RSF1: variants seen among roughly 807,000 people sequenced by gnomAD.
The protein encoded by RSF1 is HBV pX-associated protein 8.
A neutral mutation model predicts 145.2 loss-of-function variants in RSF1; 13 were observed. The observed-to-expected ratio is 0.09, with a 90% CI of 0.06 to 0.14. The LOEUF (loss-of-function observed/expected upper bound fraction) is 0.14, where lower values mean the gene tolerates loss of function less well. Ranked by LOEUF, RSF1 falls within the 10% of genes least tolerant of loss-of-function variation. The probability of loss-of-function intolerance (pLI) is 1.00; values close to 1 mark genes in which losing one functional copy is unlikely to be tolerated. For synonymous variants in RSF1, 577 were observed against 592.6 expected (o/e 0.97, Z 0.38); for missense variants, 1,517 against 1,718.2 (o/e 0.88, Z 2.07).
intron 9 of RSF1, among the ~76,000 whole-genome samples, chr11:77,689,033 G>A (rs1294344343): frequency 6.6e-6 from 1 of 152,234 alleles, no homozygotes; most frequent in Non-Finnish European, 1.5e-5. Flanking sequence ...CTATGAGTCA[G>A]GGGATATAAG....
chr11:77,699,410 C>T (rs1231218058), intron 6 of RSF1, among the ~76,000 whole-genome samples: 2 of 37,474 alleles, frequency 5.3e-5, no homozygotes, highest in Non-Finnish European at 9.7e-5. Flanking sequence ...ATAAGTCTAA[C>T]AACAAAAGAA....
chr11:77,754,085 C>G (rs1349692992), intron 2 of RSF1, among the ~76,000 whole-genome samples: 4 of 152,188 alleles, frequency 2.6e-5, no homozygotes, highest in Non-Finnish European at 4.4e-5. Flanking sequence ...TGGTAAAACT[C>G]TTCCACTATT....
At position 77,668,595 on chromosome 11, in the gene RSF1, A is replaced by G. The variant is rs73506724; in HGVS notation, c.3752-1104T>C. On this transcript the variant is annotated intron_variant, in intron 15 of 15. Transcript: ENST00000308488. The stretch of plus-strand genomic sequence containing the variant: ...CAACTGCAGATGGAAAATATTCAGG[A>G]AAAAAATAGATGGTAATGTCTGAAC... Among the ~76,000 whole-genome samples the G allele has an allele frequency of 3.1e-3, 478 of 152,298 alleles. 3 individuals carry two copies. Among genetic ancestry groups the G allele is most frequent in the African/African-American group, 0.011 (437 of 41,566 alleles).
intron 5 of RSF1, among the ~76,000 whole-genome samples, chr11:77,716,818 C>G (rs145721717): frequency 9.5e-4 from 145 of 152,198 alleles, no homozygotes; most frequent in South Asian, 2.5e-3. Flanking sequence ...TTTAGACATT[C>G]CACAATATGG....
At chr11:77,809,782 T>C (rs1476719815) in intron 1 of RSF1, among the ~76,000 whole-genome samples, 2 of 152,244 alleles carry the variant, frequency 1.3e-5, no homozygotes, top group African/African-American at 4.8e-5. Flanking sequence ...CATATTGCTA[T>C]ATCCCCAAAC....
chr11:77,869,109 T>C, the RSF1 span: 20 of 270,404 alleles, frequency 7.4e-5, no homozygotes, highest in African/African-American at 3.4e-4. Context: ...ACATGTACCA[T>C]GTGGCCAAAG....
the RSF1 span, among the ~76,000 whole-genome samples, chr11:77,830,755 A>G: frequency 6.6e-6 from 1 of 152,080 alleles, no homozygotes; most frequent in Admixed American, 6.6e-5. Context: ...TTGGCATTTC[A>G]CCAAAGAAAA....
At chr11:77,859,947 G>A in the RSF1 span, among the ~76,000 whole-genome samples, 2 of 152,154 alleles carry the variant, frequency 1.3e-5, no homozygotes, top group Non-Finnish European at 2.9e-5. Flanking sequence ...TGAGATCACA[G>A]TAAGATCTCT....
chr11:77,793,567 A>T (rs1948542165), intron 1 of RSF1, among the ~76,000 whole-genome samples: 1 of 152,244 alleles, frequency 6.6e-6, no homozygotes, highest in Middle Eastern at 3.2e-3. Context: ...CATATAGACT[A>T]AAAGAGGTGG....
chr11:77,774,508 G>A (rs2135948491), intron 1 of RSF1, among the ~76,000 whole-genome samples: 1 of 151,880 alleles, frequency 6.6e-6, no homozygotes, highest in Admixed American at 6.6e-5. Flanking sequence ...GGAGGTGGAG[G>A]TTGCAGTGAA....
At chr11:77,760,716 T>C (rs1177828364) in intron 2 of RSF1, among the ~76,000 whole-genome samples, 1 of 152,196 alleles carries the variant, frequency 6.6e-6, no homozygotes, top group Non-Finnish European at 1.5e-5. Context: ...AGGTGACCTT[T>C]ATGATTTGTT....
intron 1 of RSF1, among the ~76,000 whole-genome samples, chr11:77,766,374 A>G (rs1003697824): frequency 6.6e-6 from 1 of 152,218 alleles, no homozygotes; most frequent in African/African-American, 2.4e-5. Flanking sequence ...ATTTGAAACA[A>G]CACTTTGAAA....
At chr11:77,780,628 C>T (rs1948392764) in intron 1 of RSF1, among the ~76,000 whole-genome samples, 1 of 152,132 alleles carries the variant, frequency 6.6e-6, no homozygotes, top group African/African-American at 2.4e-5. Context: ...GAGTTTGAGA[C>T]AAGCCTGGCC....
At chr11:77,820,321 A>G (rs1383895474) in intron 1 of RSF1, among the ~76,000 whole-genome samples, 2 of 152,122 alleles carry the variant, frequency 1.3e-5, no homozygotes, top group Non-Finnish European at 2.9e-5. Flanking sequence ...CGCCCGGCCG[A>G]GTGGCCCTAG....
chr11:77,832,951 ATGTGTGTGTGTGTGTGTG>A, the RSF1 span, among the ~76,000 whole-genome samples: 170 of 68,390 alleles, frequency 2.5e-3, 2 homozygotes, highest in African/African-American at 4.9e-3. Flanking sequence ...GTATATATAT[ATGTGTGTGTGTGTGTGTG>A]TGTGTGTGTG....
chr11:77,714,629 C>T (rs1446243183), intron 5 of RSF1, among the ~76,000 whole-genome samples: 3 of 152,138 alleles, frequency 2.0e-5, no homozygotes, highest in Admixed American at 6.5e-5. Context: ...ATCACTTGAG[C>T]GCAGGAGTTT....
At position 77,666,247 on chromosome 11, in the gene RSF1, A is replaced by T. The variant is rs2135803569; in HGVS notation, c.*670T>A. 6.6e-6 allele frequency: 1 copy of T among 151,752 alleles called. No homozygotes were observed. Among genetic ancestry groups the T allele is most frequent in the South Asian group, 2.1e-4 (1 of 4,784 alleles). The allele number at this position is 151,752 out of a possible 1,614,324, so 9.4% of individuals were successfully genotyped here. On this transcript the variant is annotated 3_prime_UTR_variant, in exon 16 of 16. Coordinates refer to ENST00000308488, the MANE Select transcript of RSF1 (RefSeq NM_016578.4). ...GTACAAATGCTTTTCAGATGATTTT[A>T]TTTTTTTTTAAACAAGAAACTCTGC...
chr11:77,820,124 G>A (rs1437105697), intron 1 of RSF1, among the ~76,000 whole-genome samples: 5 of 152,168 alleles, frequency 3.3e-5, no homozygotes, highest in Non-Finnish European at 1.5e-5. Flanking sequence ...GAGTAAGGGT[G>A]GGGAGGAGGA....
Position 77,662,675 on chromosome 11 carries a change from T to A in RSF1, c.*4242A>T, listed in dbSNP as rs1190343268. 6.6e-6 allele frequency: 1 copy of A among 152,140 alleles called. No individual in the cohort carries two copies. Among genetic ancestry groups the A allele is most frequent in the Non-Finnish European group, 1.5e-5 (1 of 68,006 alleles). The allele number at this position is 152,140 out of a possible 1,614,324, so 9.4% of individuals were successfully genotyped here. ...ATAAAAATGACACAAAAAAATCAGT[T>A]AACTTGCCACTTCCAAGGTAGGTTT... On this transcript the variant is annotated 3_prime_UTR_variant, in exon 16 of 16. Coordinates refer to ENST00000308488, the MANE Select transcript of RSF1 (RefSeq NM_016578.4).
Sources: gnomAD v4.1 joint callset for allele counts (sites outside exome capture counted in the v4.1 genomes callset) on GRCh38, gnomAD v4.1.1 for gene constraint, MANE v1.5 for transcripts, NCBI Gene and HGNC (gene_info 2026-07-23, HGNC 2026-07-21) for gene names.